Variants in FBXL2 observed in about 807,000 individuals in gnomAD.
The protein encoded by FBXL2 is F-box and leucine rich repeat protein 2, also known as F-box/LRR-repeat protein 2.
In FBXL2, 38 loss-of-function variants were observed where a neutral mutation model predicts 69.2. The observed-to-expected ratio is 0.55, with a 90% CI of 0.42 to 0.72. The LOEUF (loss-of-function observed/expected upper bound fraction) is 0.72. FBXL2 is among the 30% of genes least tolerant of loss of function. The pLI is 0.00. For missense variants in FBXL2, 354 were observed against 520.3 expected (o/e 0.68, Z 3.11); for synonymous variants, 192 against 201.3 (o/e 0.95, Z 0.39).
chr3:33,377,323 T>C lies in FBXL2; in HGVS notation c.839T>C (p.Leu280Pro). The change falls in exon 11 of 15, where the codon CTT becomes CCT. Residue 280 changes from leucine (L) to proline (P), a missense_variant. Coordinates refer to ENST00000484457, the MANE Select transcript of FBXL2 (RefSeq NM_012157.5). ...CSHLTDAGFT[L>P]LARNCHELEK... The stretch of plus-strand genomic sequence containing the variant: ...CATTTGACTGACGCAGGTTTTACAC[T>C]TTTAGCTCGGGTAAGGCATAGATTT... The C allele has an allele frequency of 6.2e-7, 1 of 1,614,146 alleles. No homozygotes were observed. The highest frequency in any genetic ancestry group is 8.5e-7 in the Non-Finnish European group (1 of 1,179,978).
intron 2 of FBXL2, among the ~76,000 whole-genome samples, chr3:33,315,250 T>A (rs1456316555): frequency 6.6e-6 from 1 of 151,724 alleles, no homozygotes; most frequent in Non-Finnish European, 1.5e-5. Context: ...TTTTTTTCCT[T>A]TCTTTCTTTT....
At chr3:33,355,460 G>A (rs1191096155) in intron 2 of FBXL2, among the ~76,000 whole-genome samples, 10 of 152,136 alleles carry the variant, frequency 6.6e-5, no homozygotes, top group Middle Eastern at 3.2e-3. Flanking sequence ...ATTTCAGAAA[G>A]TTTTCTTGTA....
At chr3:33,371,362 GGTTTC>G (rs1194918929) in intron 5 of FBXL2, among the ~76,000 whole-genome samples, 1 of 149,846 alleles carries the variant, frequency 6.7e-6, no homozygotes, top group Non-Finnish European at 1.5e-5. Context: ...GTAGAGACAG[GGTTTC>G]ACCATGTTGG....
In FBXL2 at chr3:33,317,339, C is replaced by T. The variant is rs1398358910; in HGVS notation, c.65+19614C>T. 3 of 394,788 alleles carry T rather than the reference C, an allele frequency of 7.6e-6. No homozygotes were observed. In the Admixed American group the frequency reaches 8.3e-5, roughly 11 times the overall value. The allele number at this position is 394,788 out of a possible 1,614,324, so 24.5% of individuals were successfully genotyped here. On this transcript the variant is annotated intron_variant, in intron 2 of 14. Coordinates refer to ENST00000484457, the MANE Select transcript of FBXL2 (RefSeq NM_012157.5). The stretch of plus-strand genomic sequence containing the variant: ...CACCTCAACCTCAAGAGAGAAAACC[C>T]AAATCCCATTCATTCACTGCATCCA...
At position 33,296,985 on chromosome 3, in the gene FBXL2, C is replaced by T. The variant is rs190256417; in HGVS notation, c.4-679C>T. The stretch of plus-strand genomic sequence containing the variant: ...TAAATCTATAGATTAGTTTAGGAAG[C>T]GTTGCTAACATAACACTAGTAAGTC... On this transcript the variant is annotated intron_variant, in intron 1 of 14. Transcript: ENST00000484457. Among the ~76,000 whole-genome samples the T allele has an allele frequency of 5.3e-5, 8 of 152,226 alleles. No individual in the cohort carries two copies. In the South Asian group the frequency reaches 6.2e-4, roughly 12 times the overall value.
chr3:33,400,714 G>C (rs2044193588), intron 12 of FBXL2, among the ~76,000 whole-genome samples: 1 of 152,134 alleles, frequency 6.6e-6, no homozygotes, highest in South Asian at 2.1e-4. Context: ...CTGGATTAAA[G>C]GGTGCAAACA....
chr3:33,392,151 T>C (rs1362403871), downstream of FBXL2: 2 of 158,812 alleles, frequency 1.3e-5, no homozygotes, highest in Non-Finnish European at 2.8e-5. Flanking sequence ...AGATCTCCCT[T>C]ATCCATAAGT....
Position 33,362,587 on chromosome 3 carries a change from T to C in FBXL2, c.196-2038T>C, listed in dbSNP as rs569962137. ...CAAAAGGGGAGGACTAGAAAGTTTA[T>C]ATAAATGTTACTAACTTGATATTCC... On this transcript the variant is annotated intron_variant, in intron 4 of 14. Coordinates refer to ENST00000484457, the MANE Select transcript of FBXL2 (RefSeq NM_012157.5). Among the ~76,000 whole-genome samples, 13 of 152,354 alleles carry C rather than the reference T, an allele frequency of 8.5e-5. No individual in the cohort carries two copies. The East Asian group carries it at 2.3e-3, about 27-fold the overall frequency.
chr3:33,326,040 C>A (rs1464701132), intron 2 of FBXL2, among the ~76,000 whole-genome samples: 2 of 152,016 alleles, frequency 1.3e-5, no homozygotes, highest in Non-Finnish European at 2.9e-5. Context: ...TATTAGATTC[C>A]TTTTAAATTC....
the FBXL2 span, chr3:33,411,546 G>C: frequency 1.9e-6 from 3 of 1,567,422 alleles, no homozygotes; most frequent in Non-Finnish European, 2.6e-6. Flanking sequence ...TAAATAACTA[G>C]GTTAGTAAGC....
chr3:33,311,868 T>G (rs1032451648), intron 2 of FBXL2, among the ~76,000 whole-genome samples: 2 of 152,014 alleles, frequency 1.3e-5, no homozygotes, highest in African/African-American at 4.8e-5. Flanking sequence ...CCATGATCCC[T>G]CGCCTTGGCC....
intron 2 of FBXL2, among the ~76,000 whole-genome samples, chr3:33,320,626 G>C (rs567383564): frequency 4.6e-5 from 7 of 151,966 alleles, no homozygotes; most frequent in African/African-American, 1.4e-4. Context: ...GACTACAGGC[G>C]TGCACGACCA....
In FBXL2 at chr3:33,387,466, G is replaced by A. The variant is rs1482504455; in HGVS notation, c.*1858G>A. ...AAAATACAAAAATTAGCCGGGCGTG[G>A]TGCTGGGCACCTGTAATCTCAGCTA... On this transcript the variant is annotated 3_prime_UTR_variant, in exon 15 of 15. Transcript: ENST00000484457. 6.6e-6 allele frequency: 1 copy of A among 152,212 alleles called. No individual in the cohort carries two copies. Among genetic ancestry groups the A allele is most frequent in the Non-Finnish European group, 1.5e-5 (1 of 68,130 alleles). The allele number at this position is 152,212 out of a possible 1,614,324, so 9.4% of individuals were successfully genotyped here. A position where few individuals can be genotyped will look rare whatever the true frequency, so the allele number is the denominator to read the frequency against.
At chr3:33,282,661 G>T (rs1559481980) in intron 1 of FBXL2, among the ~76,000 whole-genome samples, 1 of 152,170 alleles carries the variant, frequency 6.6e-6, no homozygotes, top group Non-Finnish European at 1.5e-5. Flanking sequence ...TCACGATATT[G>T]ATTCTTCCTA....
In FBXL2 at chr3:33,359,099, T is replaced by C. The variant is rs964751838; in HGVS notation, c.120+78T>C. ...GAGTTTTAGTTCAAATTACTGAAAA[T>C]TAAAATTTTATTATCTTTTATACTT... On this transcript the variant is annotated intron_variant, in intron 3 of 14. Transcript: ENST00000484457. 2.8e-6 allele frequency: 3 copies of C among 1,061,654 alleles called. No homozygotes were observed. In the African/African-American group the frequency reaches 4.8e-5, roughly 17 times the overall value. 65.8% of individuals were successfully genotyped at this position (1,061,654 alleles called of 1,614,324 possible). A position where few individuals can be genotyped will look rare whatever the true frequency, so the allele number is the denominator to read the frequency against.
At chr3:33,322,797 CAT>C (rs1390120717) in intron 2 of FBXL2, among the ~76,000 whole-genome samples, 3 of 152,022 alleles carry the variant, frequency 2.0e-5, no homozygotes, top group African/African-American at 7.2e-5. Flanking sequence ...TATAAGGTGT[CAT>C]ATATTGTGTG....
intron 1 of FBXL2, among the ~76,000 whole-genome samples, chr3:33,282,694 C>T (rs2125672219): frequency 6.6e-6 from 1 of 152,258 alleles, no homozygotes; most frequent in African/African-American, 2.4e-5. Context: ...GAATGTTCTT[C>T]CATTTGTTTG....
At chr3:33,288,322 C>T (rs933773554) in intron 1 of FBXL2, among the ~76,000 whole-genome samples, 1 of 152,188 alleles carries the variant, frequency 6.6e-6, no homozygotes, top group African/African-American at 2.4e-5. Context: ...CTGTTCTAGT[C>T]AGTGGATATC....
intron 1 of FBXL2, 118 bp downstream of exon 1, chr3:33,277,633 C>A: frequency 9.2e-7 from 1 of 1,085,350 alleles, no homozygotes; most frequent in Non-Finnish European, 1.2e-6. Flanking sequence ...GAGGCCGGGC[C>A]GCGGCCTGCG....
Sources: allele counts gnomAD v4.1 joint callset (sites outside exome capture counted in the v4.1 genomes callset), GRCh38; gene constraint gnomAD v4.1.1; transcripts MANE v1.5; gene names NCBI Gene and HGNC (gene_info 2026-07-23, HGNC 2026-07-21).